Variants in CNTNAP2 observed in about 807,000 individuals in gnomAD.
The protein encoded by CNTNAP2 is contactin-associated protein-like 2.
A neutral mutation model predicts 155.2 loss-of-function variants in CNTNAP2; 98 were observed. The observed-to-expected ratio is 0.63, with a 90% CI of 0.54 to 0.75. The LOEUF (loss-of-function observed/expected upper bound fraction) is 0.75, where lower values mean the gene tolerates loss of function less well. CNTNAP2 is among the 30% of genes least tolerant of loss of function. The probability of loss-of-function intolerance (pLI) is 0.00; values close to 1 mark genes in which losing one functional copy is unlikely to be tolerated. For synonymous variants in CNTNAP2, 651 were observed against 631.2 expected, an observed-to-expected ratio of 1.03 and a Z score of -0.47; for missense variants, 1,727 against 1,688.1, an observed-to-expected ratio of 1.02 and a Z score of -0.40.
chr7:147,348,429 A>C (rs989027290), intron 9 of CNTNAP2, among the ~76,000 whole-genome samples: 9 of 152,076 alleles, frequency 5.9e-5, no homozygotes, highest in African/African-American at 2.2e-4. Context: ...GGCAAATACA[A>C]ATCAAAAATC....
intron 11 of CNTNAP2, among the ~76,000 whole-genome samples, chr7:147,497,785 G>A (rs1394131573): frequency 6.6e-6 from 1 of 152,148 alleles, no homozygotes; most frequent in Non-Finnish European, 1.5e-5. Context: ...AATAAAACCT[G>A]CATTGGGGCA....
At chr7:148,159,852 C>T (rs2116671963) in intron 17 of CNTNAP2, among the ~76,000 whole-genome samples, 1 of 152,290 alleles carries the variant, frequency 6.6e-6, no homozygotes, top group African/African-American at 2.4e-5. Context: ...TCATGATCTT[C>T]TTGATTTATT....
chr7:147,328,037 A>G (rs1584876462), intron 9 of CNTNAP2, among the ~76,000 whole-genome samples: 1 of 152,332 alleles, frequency 6.6e-6, no homozygotes, highest in East Asian at 1.9e-4. Flanking sequence ...AAATCTAGAG[A>G]CAAATTTTTG....
intron 1 of CNTNAP2, among the ~76,000 whole-genome samples, chr7:146,455,128 C>A (rs549037842): frequency 6.6e-6 from 1 of 152,284 alleles, no homozygotes; most frequent in South Asian, 2.1e-4. Flanking sequence ...ATCTGTACAT[C>A]CTCCTTAGCA....
intron 1 of CNTNAP2, among the ~76,000 whole-genome samples, chr7:146,519,786 T>C (rs1357735380): frequency 1.3e-5 from 2 of 151,900 alleles, no homozygotes; most frequent in African/African-American, 4.8e-5. Context: ...GGCTTTTGAA[T>C]AGTGCATATA....
At chr7:147,447,435 A>C (rs1450986768) in intron 10 of CNTNAP2, among the ~76,000 whole-genome samples, 1 of 152,180 alleles carries the variant, frequency 6.6e-6, no homozygotes, top group Non-Finnish European at 1.5e-5. Flanking sequence ...GTTTGTTTTG[A>C]GATGGAGTCT....
chr7:147,459,246 C>T (rs770500818), intron 10 of CNTNAP2, among the ~76,000 whole-genome samples: 2 of 152,192 alleles, frequency 1.3e-5, no homozygotes, highest in South Asian at 2.1e-4. Context: ...GCCCAGCCAT[C>T]GGGTAGGTCA....
At chr7:146,743,117 T>C (rs1011047123) in intron 1 of CNTNAP2, among the ~76,000 whole-genome samples, 4 of 152,156 alleles carry the variant, frequency 2.6e-5, no homozygotes, top group South Asian at 2.1e-4. Flanking sequence ...AAATCCAGTA[T>C]TAAGTTTGAT....
intron 1 of CNTNAP2, among the ~76,000 whole-genome samples, chr7:146,307,893 A>T (rs1310862182): frequency 6.6e-6 from 1 of 152,116 alleles, no homozygotes; most frequent in Non-Finnish European, 1.5e-5. Flanking sequence ...AACCCAGGCA[A>T]TACCATTCAG....
intron 13 of CNTNAP2, among the ~76,000 whole-genome samples, chr7:147,724,851 T>TCC (rs1796619267): frequency 6.6e-6 from 1 of 151,528 alleles, no homozygotes; most frequent in Non-Finnish European, 1.5e-5. Context: ...GCCACTACTG[T>TCC]GAGTTGTTGA....
intron 1 of CNTNAP2, among the ~76,000 whole-genome samples, chr7:146,723,039 T>C (rs1218942378): frequency 1.3e-5 from 2 of 151,952 alleles, no homozygotes; most frequent in East Asian, 1.9e-4. Flanking sequence ...AATAAACATA[T>C]ATGTTGAAGT....
intron 13 of CNTNAP2, among the ~76,000 whole-genome samples, chr7:147,901,115 A>G (rs562150924): frequency 6.6e-6 from 1 of 152,014 alleles, no homozygotes; most frequent in African/African-American, 2.4e-5. Flanking sequence ...CTAAATCCCA[A>G]CAGTCCCAGC....
chr7:147,128,908 A>G (rs1801295028), intron 7 of CNTNAP2, 72 bp downstream of exon 7: 2 of 1,572,740 alleles, frequency 1.3e-6, no homozygotes, highest in African/African-American at 2.7e-5. Flanking sequence ...GGATTATTGA[A>G]CAACAACAAA....
intron 15 of CNTNAP2, among the ~76,000 whole-genome samples, chr7:148,024,710 T>C (rs34378091): frequency 0.045 from 6,841 of 152,242 alleles, 283 homozygotes; most frequent in East Asian, 0.26. Context: ...TGTTACAAGT[T>C]TTTAGCAAAG....
At chr7:146,914,000 C>A (rs1165320778) in intron 3 of CNTNAP2, among the ~76,000 whole-genome samples, 1 of 151,974 alleles carries the variant, frequency 6.6e-6, no homozygotes, top group South Asian at 2.1e-4. Context: ...TGAGAACATA[C>A]GATATTTGAT....
At chr7:146,489,262 C>G (rs369794675) in intron 1 of CNTNAP2, among the ~76,000 whole-genome samples, 2 of 152,152 alleles carry the variant, frequency 1.3e-5, no homozygotes, top group African/African-American at 4.8e-5. Context: ...CTATTGCCTT[C>G]ATGATCCTCA....
chr7:148,057,883 GT>G (rs1347233340), intron 15 of CNTNAP2, among the ~76,000 whole-genome samples: 1 of 151,638 alleles, frequency 6.6e-6, no homozygotes, highest in African/African-American at 2.4e-5. Context: ...TATCAGAAAT[GT>G]TTTTTCTGTA....
chr7:147,221,505 A>C (rs1037660052), intron 8 of CNTNAP2, among the ~76,000 whole-genome samples: 1 of 152,134 alleles, frequency 6.6e-6, no homozygotes, highest in African/African-American at 2.4e-5. Flanking sequence ...CTGCTGTCTC[A>C]GGTGCCCAAG....
chr7:146,502,752 G>A (rs151307758), intron 1 of CNTNAP2, among the ~76,000 whole-genome samples: 7 of 152,126 alleles, frequency 4.6e-5, no homozygotes, highest in Non-Finnish European at 8.8e-5. Context: ...GCTGAGGCAT[G>A]CTGCAAGCGT....
Sources: allele counts gnomAD v4.1 joint callset (sites outside exome capture counted in the v4.1 genomes callset), GRCh38; gene constraint gnomAD v4.1.1; transcripts MANE v1.5; gene names NCBI Gene and HGNC (gene_info 2026-07-23, HGNC 2026-07-21).